Variants in C1orf52 observed in about 807,000 individuals in gnomAD.
C1orf52 encodes the protein chromosome 1 open reading frame 52.
Under a neutral mutation model 17.2 loss-of-function variants are expected in C1orf52, and 5 were observed. The ratio of observed to expected loss-of-function variants is 0.29; its 90% CI spans 0.15 to 0.61. C1orf52 has a LOEUF of 0.61. Ranked by LOEUF, C1orf52 falls within the 20% of genes least tolerant of loss-of-function variation. The pLI is 0.85. For missense variants in C1orf52, 245 were observed against 234.1 expected, an observed-to-expected ratio of 1.05 and a Z score of -0.30; for synonymous variants, 110 against 88.0, an observed-to-expected ratio of 1.25 and a Z score of -1.40.
chr1:85,258,737 C>T lies in C1orf52; in HGVS notation c.277-15G>A. 1.3e-6 allele frequency: 2 copies of T among 1,588,316 alleles called. No individual in the cohort carries two copies. Among genetic ancestry groups the T allele is most frequent in the South Asian group, 1.1e-5 (1 of 89,154 alleles). On this transcript the variant is annotated splice_polypyrimidine_tract_variant and intron_variant, in intron 1 of 2. Coordinates refer to ENST00000471115, the MANE Select transcript of C1orf52 (RefSeq NM_198077.4). The stretch of plus-strand genomic sequence containing the variant: ...TCCTTTGGAGGCTGTTAAGCAAGCA[C>T]ATTAAGAAGCACTGTGACGAACCGA...
chr1:85,258,432 T>C (rs1570320923), intron 2 of C1orf52, 92 bp downstream of exon 2: 2 of 1,139,220 alleles, frequency 1.8e-6, no homozygotes, highest in Middle Eastern at 2.1e-4. Flanking sequence ...GTCAATTCGC[T>C]AGATTTAATT....
Position 85,252,582 on chromosome 1 carries a change from A to G in C1orf52, c.*47T>C, listed in dbSNP as rs779493024. 1 of 1,489,312 alleles carries G rather than the reference A, an allele frequency of 6.7e-7. No individual in the cohort carries two copies. Among genetic ancestry groups the G allele is most frequent in the East Asian group, 2.3e-5 (1 of 44,184 alleles). The allele number at this position is 1,489,312 out of a possible 1,614,324, so 92.3% of individuals were successfully genotyped here. ...CAATATCAACTTAATCTGTCCAAAGAAACATTTCAACAAGTTTAGCAGTAC... is the reference window on the plus strand; with the variant it reads ...CAATATCAACTTAATCTGTCCAAAGGAACATTTCAACAAGTTTAGCAGTAC... On this transcript the variant is annotated 3_prime_UTR_variant, in exon 3 of 3. Transcript: ENST00000471115.
chr1:85,259,046 G>A, intron 1 of C1orf52: 2 of 1,348,022 alleles, frequency 1.5e-6, no homozygotes, highest in Non-Finnish European at 1.9e-6. Context: ...CAAAGGGAAG[G>A]GGTCTCAGGG....
intron 2 of C1orf52, among the ~76,000 whole-genome samples, chr1:85,256,857 T>C (rs1487066166): frequency 6.6e-6 from 1 of 151,290 alleles, no homozygotes; most frequent in Non-Finnish European, 1.5e-5. Flanking sequence ...TGAGATATTA[T>C]AAATGTTTAC....
At chr1:85,254,395 CT>C (rs71585148) in intron 2 of C1orf52, among the ~76,000 whole-genome samples, 86 of 145,926 alleles carry the variant, frequency 5.9e-4, no homozygotes, top group East Asian at 1.6e-3. Flanking sequence ...AAACGTTTTG[CT>C]TTTTTTTTTT....
intron 2 of C1orf52, 84 bp from the exon 3 acceptor site, chr1:85,252,786 C>G (rs890775865): frequency 1.2e-6 from 1 of 828,500 alleles, no homozygotes; most frequent in African/African-American, 1.7e-5. Context: ...GGCTTTATAC[C>G]AAAATTATTA....
At position 85,250,613 on chromosome 1, in the gene C1orf52, C is replaced by T. The variant is rs1659778486; in HGVS notation, c.*2016G>A. On this transcript the variant is annotated 3_prime_UTR_variant, in exon 3 of 3. Coordinates refer to ENST00000471115, the MANE Select transcript of C1orf52 (RefSeq NM_198077.4). Reference sequence around the variant, plus strand: ...TAGCCTCTTCCCTAAGTCCTGTCTTCCTCCTCATACAACATACTCTGCACA... The same window carrying T: ...TAGCCTCTTCCCTAAGTCCTGTCTTTCTCCTCATACAACATACTCTGCACA... 1 of 152,222 alleles carries T rather than the reference C, an allele frequency of 6.6e-6. No homozygotes were observed. The highest frequency in any genetic ancestry group is 2.1e-4 in the South Asian group (1 of 4,826). 9.4% of individuals were successfully genotyped at this position (152,222 alleles called of 1,614,324 possible). A position where few individuals can be genotyped will look rare whatever the true frequency, so the allele number is the denominator to read the frequency against.
Position 85,252,371 on chromosome 1 carries a change from C to T in C1orf52, c.*258G>A. 2.4e-6 allele frequency: 1 copy of T among 421,272 alleles called. No homozygotes were observed. Among genetic ancestry groups the T allele is most frequent in the South Asian group, 3.4e-5 (1 of 29,384 alleles). The allele number at this position is 421,272 out of a possible 1,614,324, so 26.1% of individuals were successfully genotyped here. ...ATGTGACAAAACTCTCAAAGCATGT[C>T]ACCAATTCTGTGAGAGCAAGAATGC... On this transcript the variant is annotated 3_prime_UTR_variant, in exon 3 of 3. Coordinates refer to ENST00000471115, the MANE Select transcript of C1orf52 (RefSeq NM_198077.4).
intron 2 of C1orf52, among the ~76,000 whole-genome samples, chr1:85,255,595 T>C (rs1039517964): frequency 6.7e-6 from 1 of 148,608 alleles, no homozygotes; most frequent in Non-Finnish European, 1.5e-5. Context: ...CAAGACCCAA[T>C]GATGAGTTCT....
intron 2 of C1orf52, chr1:85,257,468 A>G (rs1187082085): frequency 1.4e-6 from 1 of 717,262 alleles, no homozygotes; most frequent in South Asian, 1.5e-5. Flanking sequence ...AAGATCTTCA[A>G]GTGCTAGAAA....
At chr1:85,259,070 G>T (rs1003047417) in intron 1 of C1orf52, 5 of 1,347,550 alleles carry the variant, frequency 3.7e-6, no homozygotes, top group Non-Finnish European at 2.9e-6. Flanking sequence ...AGCTGCAGCG[G>T]GGGGGGCGGG....
intron 1 of C1orf52, chr1:85,258,987 G>A (rs540693385): frequency 1.5e-5 from 21 of 1,367,048 alleles, no homozygotes; most frequent in Non-Finnish European, 1.9e-5. Flanking sequence ...CCCTTCAGGA[G>A]GCTGCAGCAG....
At chr1:85,256,082 A>G (rs1158152548) in intron 2 of C1orf52, among the ~76,000 whole-genome samples, 1 of 152,192 alleles carries the variant, frequency 6.6e-6, no homozygotes, top group Non-Finnish European at 1.5e-5. Context: ...TTGAGTATCA[A>G]CCCTAGTATC....
chr1:85,259,082 G>A (rs1660022515), intron 1 of C1orf52: 2 of 1,355,774 alleles, frequency 1.5e-6, no homozygotes, highest in Non-Finnish European at 1.9e-6. Context: ...GGGGGCGGGG[G>A]AGTCACCACT....
chr1:85,252,020 T>C lies in C1orf52; in HGVS notation c.*609A>G, dbSNP rs1011796690. 1.3e-5 allele frequency: 2 copies of C among 152,188 alleles called. No individual in the cohort carries two copies. Among genetic ancestry groups the C allele is most frequent in the Non-Finnish European group, 2.9e-5 (2 of 68,036 alleles). The allele number at this position is 152,188 out of a possible 1,614,324, so 9.4% of individuals were successfully genotyped here. A position where few individuals can be genotyped will look rare whatever the true frequency, so the allele number is the denominator to read the frequency against. On this transcript the variant is annotated 3_prime_UTR_variant, in exon 3 of 3. Coordinates refer to ENST00000471115, the MANE Select transcript of C1orf52 (RefSeq NM_198077.4). ...CTTTATTATAAAATGAGAATACTAA[T>C]AATACCTTGCGCTAGGTTGTTTAAG...
chr1:85,252,592 A>T lies in C1orf52; in HGVS notation c.*37T>A. 6.5e-7 allele frequency: 1 copy of T among 1,542,220 alleles called. No homozygotes were observed. The highest frequency in any genetic ancestry group is 9.0e-7 in the Non-Finnish European group (1 of 1,116,360). On this transcript the variant is annotated 3_prime_UTR_variant, in exon 3 of 3. Coordinates refer to ENST00000471115, the MANE Select transcript of C1orf52 (RefSeq NM_198077.4). ...TTAATCTGTCCAAAGAAACATTTCA[A>T]CAAGTTTAGCAGTACAGAAATTCTG...
intron 2 of C1orf52, among the ~76,000 whole-genome samples, chr1:85,253,178 G>A (rs1659842568): frequency 6.6e-6 from 1 of 152,124 alleles, no homozygotes; most frequent in Non-Finnish European, 1.5e-5. Flanking sequence ...CAGAAACTAA[G>A]AACTCATGAC....
intron 2 of C1orf52, among the ~76,000 whole-genome samples, chr1:85,253,356 A>T (rs903345908): frequency 1.4e-4 from 21 of 151,982 alleles, no homozygotes; most frequent in African/African-American, 4.8e-4. Flanking sequence ...TTTTCCTTTC[A>T]ATCTGCTTTC....
chr1:85,256,824 G>C (rs891547360), intron 2 of C1orf52, among the ~76,000 whole-genome samples: 13 of 139,498 alleles, frequency 9.3e-5, no homozygotes, highest in Admixed American at 4.3e-4. Context: ...AAAAAGAAAA[G>C]AAAACAAAAA....
Sources: allele counts gnomAD v4.1 joint callset (sites outside exome capture counted in the v4.1 genomes callset), GRCh38; gene constraint gnomAD v4.1.1; transcripts MANE v1.5; gene names NCBI Gene and HGNC (gene_info 2026-07-23, HGNC 2026-07-21).